The following KCNJ1 variants were observed in gnomAD, a reference collection of about 807,000 sequenced individuals.
KCNJ1 encodes the protein ATP-sensitive inward rectifier potassium channel 1.
Under a neutral mutation model 21.9 loss-of-function variants are expected in KCNJ1, and 24 were observed. That is an observed-to-expected ratio of 1.10 (90% CI 0.79 to 1.54). The LOEUF (loss-of-function observed/expected upper bound fraction) is 1.54. Among genes scored for constraint, KCNJ1 ranks in the 40% most tolerant of loss-of-function variants. KCNJ1 has a pLI of 0.00. For synonymous variants in KCNJ1, 152 were observed against 160.9 expected (o/e 0.94, Z 0.42); for missense variants, 457 against 455.4 (o/e 1.00, Z -0.03).
intron 1 of KCNJ1, among the ~76,000 whole-genome samples, chr11:128,857,293 C>T (rs1241742617): frequency 6.6e-6 from 1 of 152,338 alleles, no homozygotes; most frequent in African/African-American, 2.4e-5. Context: ...GAACTCCATC[C>T]TGTCTTGGCT....
chr11:128,847,182 A>T (rs1312370111), intron 2 of KCNJ1, among the ~76,000 whole-genome samples: 1 of 152,156 alleles, frequency 6.6e-6, no homozygotes, highest in African/African-American at 2.4e-5. Context: ...CCGCCGCATC[A>T]CCTGAAACAT....
intron 1 of KCNJ1, among the ~76,000 whole-genome samples, chr11:128,854,384 A>G (rs1943543245): frequency 6.6e-6 from 1 of 152,106 alleles, no homozygotes; most frequent in Non-Finnish European, 1.5e-5. Flanking sequence ...CATTTGAGCC[A>G]GCCCCTCCAG....
Position 128,839,835 on chromosome 11 carries a change from C to A in KCNJ1, c.409G>T (p.Ala137Ser). Residue 137 changes from alanine to serine, a missense_variant, in exon 3 of 3, where the codon GCC (alanine) becomes TCC (serine). Transcript: ENST00000392666. ...GACTGAAAGATAAGCAGAAAAATGGCAGTGGCACACTGTTCTGTCACACAC... is the reference window on the plus strand; with the variant it reads ...GACTGAAAGATAAGCAGAAAAATGGAAGTGGCACACTGTTCTGTCACACAC... Reference protein sequence around the residue: ...FRCVTEQCATAIFLLIFQSIL... With the variant: ...FRCVTEQCATSIFLLIFQSIL... 1 of 1,614,090 alleles carries A rather than the reference C, an allele frequency of 6.2e-7. No individual in the cohort carries two copies. The highest frequency in any genetic ancestry group is 8.5e-7 in the Non-Finnish European group (1 of 1,179,968).
chr11:128,852,514 C>T (rs118138077), intron 1 of KCNJ1, among the ~76,000 whole-genome samples: 5 of 152,316 alleles, frequency 3.3e-5, no homozygotes, highest in East Asian at 3.9e-4. Context: ...ATTAATGGAG[C>T]GGCACGTCAT....
chr11:128,861,465 C>T (rs1365219500), intron 1 of KCNJ1, among the ~76,000 whole-genome samples: 1 of 152,156 alleles, frequency 6.6e-6, no homozygotes, highest in African/African-American at 2.4e-5. Context: ...GGACCTCAGA[C>T]AGAAAGGAAG....
chr11:128,840,408 C>G (rs184738638), intron 2 of KCNJ1, 144 bp from the exon 3 acceptor site: 14 of 778,244 alleles, frequency 1.8e-5, no homozygotes, highest in Non-Finnish European at 3.0e-5. Flanking sequence ...CAAGTTTATT[C>G]TGGATACCAC....
intron 2 of KCNJ1, among the ~76,000 whole-genome samples, chr11:128,845,704 T>G (rs1194464859): frequency 6.6e-6 from 1 of 152,228 alleles, no homozygotes; most frequent in Non-Finnish European, 1.5e-5. Flanking sequence ...TTGGCAAGGC[T>G]GGTAGAAACC....
At chr11:128,842,295 A>G in intron 2 of KCNJ1, 1 of 1,419,050 alleles carries the variant, frequency 7.0e-7, no homozygotes, top group South Asian at 1.2e-5. Flanking sequence ...GATCACTTGA[A>G]TAACGTTGAG....
chr11:128,866,976 AGCACAC>A (rs1044017388), intron 1 of KCNJ1, among the ~76,000 whole-genome samples, 191 bp downstream of exon 1: 3 of 152,160 alleles, frequency 2.0e-5, no homozygotes, highest in African/African-American at 7.2e-5. Flanking sequence ...GGCAAGATGC[AGCACAC>A]AGCTAATAAT....
intron 2 of KCNJ1, among the ~76,000 whole-genome samples, chr11:128,840,959 C>T (rs531856205): frequency 2.0e-5 from 3 of 152,310 alleles, no homozygotes; most frequent in East Asian, 1.9e-4. Flanking sequence ...TCTACCACTC[C>T]GTGTCTCAGT....
chr11:128,842,330 A>G (rs1008826838), intron 2 of KCNJ1: 2 of 1,602,656 alleles, frequency 1.2e-6, no homozygotes, highest in Middle Eastern at 1.7e-4. Flanking sequence ...TTAATGATGA[A>G]ACATTATCTG....
chr11:128,838,852 A>G lies in KCNJ1; in HGVS notation c.*273T>C. The G allele has an allele frequency of 2.1e-6, 1 of 470,214 alleles. No homozygotes were observed. The highest frequency in any genetic ancestry group is 3.8e-6 in the Non-Finnish European group (1 of 261,930). The allele number at this position is 470,214 out of a possible 1,614,324, so 29.1% of individuals were successfully genotyped here. ...TTTTATCTGCTCCAATCCACCTTAT[A>G]TGAGCTCAAATAATCATATTTAAGA... On this transcript the variant is annotated 3_prime_UTR_variant, in exon 3 of 3. Transcript: ENST00000392666.
At chr11:128,841,818 A>AT (rs1943286808) in intron 2 of KCNJ1, among the ~76,000 whole-genome samples, 1 of 152,218 alleles carries the variant, frequency 6.6e-6, no homozygotes, top group African/African-American at 2.4e-5. Context: ...TTCTAAAGAC[A>AT]TAAAAAAAGA....
Position 128,860,405 on chromosome 11 carries a change from A to C in KCNJ1, c.-192+6768T>G, listed in dbSNP as rs965821942. ...GTCTGATATAAGTGCGTGACACTGCACAGGTTTCACTGTGTGAAATGCATA... is the reference window on the plus strand; with the variant it reads ...GTCTGATATAAGTGCGTGACACTGCCCAGGTTTCACTGTGTGAAATGCATA... On this transcript the variant is annotated intron_variant, in intron 1 of 2. Transcript: ENST00000392666. Among the ~76,000 whole-genome samples, 5 of 152,252 alleles carry C rather than the reference A, an allele frequency of 3.3e-5. No homozygotes were observed. The East Asian group carries it at 9.6e-4, about 29-fold the overall frequency.
At position 128,867,274 on chromosome 11, in the gene KCNJ1, G is replaced by C. The variant is rs1483695829; in HGVS notation, c.-293C>G. On this transcript the variant is annotated 5_prime_UTR_variant, in exon 1 of 3. Transcript: ENST00000392666. Reference sequence around the variant, plus strand: ...GTGAGCAAGTCCCTGCACCTTTGATGCAAGAGTTTGGATATGCTAGGTGAG... The same window carrying C: ...GTGAGCAAGTCCCTGCACCTTTGATCCAAGAGTTTGGATATGCTAGGTGAG... The C allele has an allele frequency of 6.6e-6, 1 of 152,152 alleles. No homozygotes were observed. Among genetic ancestry groups the C allele is most frequent in the African/African-American group, 2.4e-5 (1 of 41,442 alleles). 9.4% of individuals were successfully genotyped at this position (152,152 alleles called of 1,614,324 possible). A position where few individuals can be genotyped will look rare whatever the true frequency, so the allele number is the denominator to read the frequency against.
At chr11:128,846,701 AGAGC>A (rs1251260307) in intron 2 of KCNJ1, among the ~76,000 whole-genome samples, 2 of 152,222 alleles carry the variant, frequency 1.3e-5, no homozygotes, top group Non-Finnish European at 2.9e-5. Flanking sequence ...AAGGCTGAAC[AGAGC>A]GACGGTACCG....
intron 2 of KCNJ1, among the ~76,000 whole-genome samples, chr11:128,848,760 CT>C (rs145485110): frequency 0.012 from 1,777 of 152,292 alleles, 13 homozygotes; most frequent in African/African-American, 0.036. Flanking sequence ...GAATTTTTCT[CT>C]TCTAAAATTC....
chr11:128,843,752 T>G (rs138011737), intron 2 of KCNJ1, among the ~76,000 whole-genome samples: 20 of 152,360 alleles, frequency 1.3e-4, no homozygotes, highest in African/African-American at 4.1e-4. Flanking sequence ...CTCATTGCAT[T>G]TATGTATACA....
At chr11:128,847,658 G>A (rs972149367) in intron 2 of KCNJ1, among the ~76,000 whole-genome samples, 1 of 152,122 alleles carries the variant, frequency 6.6e-6, no homozygotes, top group Non-Finnish European at 1.5e-5. Flanking sequence ...CCTCTTCTTG[G>A]CACCTTGATT....
Sources: allele counts gnomAD v4.1 joint callset (sites outside exome capture counted in the v4.1 genomes callset), GRCh38; gene constraint gnomAD v4.1.1; transcripts MANE v1.5; gene names NCBI Gene and HGNC (gene_info 2026-07-23, HGNC 2026-07-21).